The following CLSTN2 variants were observed in gnomAD, a reference collection of about 807,000 sequenced individuals.
CLSTN2 encodes calsyntenin-2.
Under a neutral mutation model 101.2 loss-of-function variants are expected in CLSTN2, and 48 were observed. The observed-to-expected ratio is 0.47, with a 90% CI of 0.38 to 0.60. CLSTN2 has a LOEUF of 0.60. Ranked by LOEUF, CLSTN2 falls within the 20% of genes least tolerant of loss-of-function variation. CLSTN2 has a pLI of 0.00. For missense variants in CLSTN2, 1,160 were observed against 1,238.2 expected (o/e 0.94, Z 0.95); for synonymous variants, 481 against 463.6 (o/e 1.04, Z -0.48).
intron 10 of CLSTN2, among the ~76,000 whole-genome samples, chr3:140,549,121 T>C (rs1328563229): frequency 7.5e-6 from 1 of 133,908 alleles, no homozygotes; most frequent in Admixed American, 7.6e-5. Flanking sequence ...GTCTTCCTGA[T>C]GTCTTCTCTT....
intron 1 of CLSTN2, among the ~76,000 whole-genome samples, chr3:140,105,211 T>A (rs1051525273): frequency 6.6e-6 from 1 of 152,238 alleles, no homozygotes; most frequent in Admixed American, 6.5e-5. Flanking sequence ...AGTCTGACTT[T>A]AGCTGCTTTA....
intron 1 of CLSTN2, among the ~76,000 whole-genome samples, chr3:140,159,635 A>G (rs1020022356): frequency 4.6e-5 from 7 of 152,188 alleles, no homozygotes; most frequent in African/African-American, 1.7e-4. Context: ...AAACAGAGGT[A>G]CCATTCGACC....
At chr3:140,228,372 T>C (rs746328665) in intron 2 of CLSTN2, among the ~76,000 whole-genome samples, 56 of 152,192 alleles carry the variant, frequency 3.7e-4, no homozygotes, top group Admixed American at 3.1e-3. Flanking sequence ...CTCATCTCCA[T>C]CTGAGACCAC....
chr3:140,028,889 G>T (rs997375810), intron 1 of CLSTN2, among the ~76,000 whole-genome samples: 1 of 152,068 alleles, frequency 6.6e-6, no homozygotes, highest in Non-Finnish European at 1.5e-5. Flanking sequence ...GGACCCTCTG[G>T]TCCCACACCT....
At chr3:140,421,082 G>T (rs775286725) in intron 4 of CLSTN2, 43 bp from the exon 5 acceptor site, 1 of 1,598,888 alleles carries the variant, frequency 6.3e-7, no homozygotes, top group Non-Finnish European at 8.5e-7. Flanking sequence ...TACAAGTGCA[G>T]TTAAATTGAC....
intron 1 of CLSTN2, among the ~76,000 whole-genome samples, chr3:140,030,763 T>A (rs963890099): frequency 1.4e-4 from 21 of 152,356 alleles, no homozygotes; most frequent in Admixed American, 4.6e-4. Context: ...CATATAGTTT[T>A]GGAATTGTTA....
chr3:140,168,978 G>A (rs147547626), intron 1 of CLSTN2, among the ~76,000 whole-genome samples: 50 of 151,956 alleles, frequency 3.3e-4, no homozygotes, highest in African/African-American at 1.1e-3. Flanking sequence ...GCTATGTCAG[G>A]TCTTTTTCAT....
chr3:140,265,545 T>A (rs2086687884), intron 2 of CLSTN2, among the ~76,000 whole-genome samples: 1 of 152,180 alleles, frequency 6.6e-6, no homozygotes, highest in South Asian at 2.1e-4. Flanking sequence ...AAAAAGATAA[T>A]CACTCTGGAT....
intron 2 of CLSTN2, among the ~76,000 whole-genome samples, chr3:140,288,374 C>A (rs368265746): frequency 8.2e-4 from 125 of 152,260 alleles, no homozygotes; most frequent in Middle Eastern, 3.4e-3. Flanking sequence ...TCTCCCCTCC[C>A]AGACATTCCT....
intron 1 of CLSTN2, among the ~76,000 whole-genome samples, chr3:140,150,557 A>G (rs571071875): frequency 1.6e-4 from 25 of 152,170 alleles, no homozygotes; most frequent in Non-Finnish European, 2.9e-4. Context: ...TTTACCCAAA[A>G]TTAAACTTCC....
chr3:140,561,822 G>T (rs1205902560), intron 12 of CLSTN2, among the ~76,000 whole-genome samples: 1 of 152,164 alleles, frequency 6.6e-6, no homozygotes, highest in Non-Finnish European at 1.5e-5. Flanking sequence ...CTGCCTTATA[G>T]ATGAGGAAAC....
At chr3:140,200,399 C>T (rs1279874966) in intron 2 of CLSTN2, among the ~76,000 whole-genome samples, 1 of 152,048 alleles carries the variant, frequency 6.6e-6, no homozygotes, top group Non-Finnish European at 1.5e-5. Context: ...GTAATGACCG[C>T]CAAAAAGAGC....
intron 1 of CLSTN2, among the ~76,000 whole-genome samples, chr3:140,024,290 T>C (rs2007375761): frequency 6.6e-6 from 1 of 152,196 alleles, no homozygotes; most frequent in South Asian, 2.1e-4. Flanking sequence ...GCAGTGTGGG[T>C]GTCCTGCGGC....
At chr3:140,190,438 CAAAAAAAAAAA>C (rs35206840) in intron 2 of CLSTN2, among the ~76,000 whole-genome samples, 3 of 82,968 alleles carry the variant, frequency 3.6e-5, no homozygotes, top group South Asian at 1.0e-3. Context: ...TCTATAGCTA[CAAAAAAAAAAA>C]AAAAAAAAAA....
intron 1 of CLSTN2, among the ~76,000 whole-genome samples, chr3:139,982,964 C>CTA (rs564350525): frequency 7.0e-4 from 101 of 144,148 alleles, no homozygotes; most frequent in Admixed American, 2.7e-3. Context: ...TATATATACA[C>CTA]TATATATACT....
chr3:140,451,916 A>G (rs1000986486), intron 6 of CLSTN2, among the ~76,000 whole-genome samples: 3 of 152,216 alleles, frequency 2.0e-5, no homozygotes, highest in Non-Finnish European at 4.4e-5. Context: ...ACCAATGAGG[A>G]TATTAGAGCC....
intron 8 of CLSTN2, among the ~76,000 whole-genome samples, chr3:140,510,061 A>C (rs549054120): frequency 1.3e-5 from 2 of 152,356 alleles, no homozygotes; most frequent in African/African-American, 4.8e-5. Flanking sequence ...CAATTGGGCA[A>C]ATCATCTAAC....
chr3:140,466,130 G>A (rs1933696087), intron 7 of CLSTN2, among the ~76,000 whole-genome samples: 1 of 152,138 alleles, frequency 6.6e-6, no homozygotes, highest in Admixed American at 6.5e-5. Flanking sequence ...TATAGATTAG[G>A]TAGACAGAGA....
chr3:140,059,522 A>G (rs1302037620), intron 1 of CLSTN2, among the ~76,000 whole-genome samples: 1 of 152,182 alleles, frequency 6.6e-6, no homozygotes, highest in Non-Finnish European at 1.5e-5. Context: ...GGGGGCCATC[A>G]GACCCTGCTC....
Sources: allele counts gnomAD v4.1 joint callset (sites outside exome capture counted in the v4.1 genomes callset), GRCh38; gene constraint gnomAD v4.1.1; transcripts MANE v1.5; gene names NCBI Gene and HGNC (gene_info 2026-07-23, HGNC 2026-07-21).